The following IL1RAPL2 variants were observed in gnomAD, a reference collection of about 807,000 sequenced individuals.
IL1RAPL2 encodes interleukin 1 receptor accessory protein like 2.
In IL1RAPL2, 3 loss-of-function variants were observed where a neutral mutation model predicts 44.1. The observed-to-expected ratio is 0.07, with a 90% CI of 0.03 to 0.18. IL1RAPL2 has a LOEUF of 0.18. Among genes scored for constraint, IL1RAPL2 ranks in the 10% least tolerant of loss-of-function variants. The pLI is 1.00. For missense variants in IL1RAPL2, 391 were observed against 496.4 expected (o/e 0.79, Z 2.02); for synonymous variants, 181 against 178.8 (o/e 1.01, Z -0.10).
chrX:105,080,111 G>A (rs138662187), intron 2 of IL1RAPL2, among the ~76,000 whole-genome samples: 1,881 of 111,792 alleles, frequency 0.017, 42 homozygotes, highest in African/African-American at 0.058. Flanking sequence ...TGTAGATTCC[G>A]GATATTAGCC....
intron 6 of IL1RAPL2, among the ~76,000 whole-genome samples, chrX:105,685,739 A>T (rs904466910): frequency 3.6e-5 from 4 of 111,232 alleles, no homozygotes; most frequent in African/African-American, 1.3e-4. Flanking sequence ...CAACCCCAAG[A>T]CACATAATTG....
intron 5 of IL1RAPL2, among the ~76,000 whole-genome samples, chrX:105,482,304 T>A (rs1041955482): frequency 8.0e-5 from 9 of 112,008 alleles, no homozygotes; most frequent in African/African-American, 2.9e-4. Context: ...TCATTTTTTT[T>A]AAAGTAGATC....
chrX:105,549,876 C>T (rs1413013114), intron 6 of IL1RAPL2, among the ~76,000 whole-genome samples: 4 of 111,750 alleles, frequency 3.6e-5, no homozygotes, highest in Non-Finnish European at 5.6e-5. Flanking sequence ...GCAGTCATTC[C>T]GGCCAACTTC....
intron 2 of IL1RAPL2, among the ~76,000 whole-genome samples, chrX:105,035,178 C>G (rs2031605121): frequency 9.0e-6 from 1 of 111,720 alleles, no homozygotes; most frequent in Admixed American, 9.5e-5. Context: ...ACTCCCTGAC[C>G]CCTTGCACTT....
intron 6 of IL1RAPL2, among the ~76,000 whole-genome samples, chrX:105,521,035 C>T (rs1344820371): frequency 2.0e-5 from 2 of 99,248 alleles, no homozygotes; most frequent in East Asian, 3.4e-4. Context: ...CCTTGGTTCA[C>T]GCCATTCTCC....
At position 104,946,479 on chromosome X, in the gene IL1RAPL2, T is replaced by A. The variant is rs1274066350; in HGVS notation, c.83-248996T>A. ...GTGCACAATGTGCAGGTTAGTTACA[T>A]ATGTATACATATGCCATGCTGGTGT... is the stretch of plus-strand genomic sequence containing the variant. On this transcript the variant is annotated intron_variant, in intron 2 of 10. Transcript: ENST00000372582. 3.0e-3 allele frequency among the ~76,000 whole-genome samples: 291 copies of A among 96,625 alleles called. 1 individual carries two copies. The highest frequency in any genetic ancestry group is 0.01 in the African/African-American group (269 of 26,393). 83.9% of individuals were successfully genotyped at this position (96,625 alleles called of 115,157 possible). A position where few individuals can be genotyped will look rare whatever the true frequency, so the allele number is the denominator to read the frequency against.
chrX:105,738,847 C>T (rs1189518214), intron 7 of IL1RAPL2, among the ~76,000 whole-genome samples: 2 of 110,439 alleles, frequency 1.8e-5, no homozygotes, highest in East Asian at 2.9e-4. Context: ...TTAAAAAAAG[C>T]AAGGCTAGGA....
intron 1 of IL1RAPL2, among the ~76,000 whole-genome samples, chrX:104,601,886 G>A (rs921781393): frequency 8.9e-6 from 1 of 111,796 alleles, no homozygotes; most frequent in African/African-American, 3.2e-5. Context: ...ATACATTATT[G>A]GGTAGATCCC....
intron 1 of IL1RAPL2, among the ~76,000 whole-genome samples, chrX:104,608,226 CAG>C (rs941775523): frequency 7.3e-5 from 8 of 108,960 alleles, no homozygotes; most frequent in African/African-American, 2.7e-4. Flanking sequence ...CTGGGCCAGT[CAG>C]GGGGTGGGGG....
chrX:104,946,710 C>G (rs1209523974), intron 2 of IL1RAPL2, among the ~76,000 whole-genome samples: 3 of 101,532 alleles, frequency 3.0e-5, no homozygotes, highest in African/African-American at 1.1e-4. Flanking sequence ...ATGATGATTT[C>G]CAATTTCATC....
At chrX:105,298,584 A>C (rs1050953049) in intron 5 of IL1RAPL2, among the ~76,000 whole-genome samples, 1 of 110,885 alleles carries the variant, frequency 9.0e-6, no homozygotes, top group Non-Finnish European at 1.9e-5. Context: ...TAAATGAAGA[A>C]ATAAAAGATA....
intron 2 of IL1RAPL2, among the ~76,000 whole-genome samples, chrX:104,712,892 G>A (rs1931485996): frequency 1.8e-5 from 2 of 110,888 alleles, no homozygotes; most frequent in South Asian, 7.5e-4. Context: ...GAAACAGGAG[G>A]CATTTTGGTG....
Position 105,583,581 on chromosome X carries a change from C to T in IL1RAPL2, c.772+99194C>T, listed in dbSNP as rs2037105282. Among the ~76,000 whole-genome samples the T allele has an allele frequency of 2.7e-5, 3 of 112,023 alleles. No homozygotes were observed. In the Admixed American group the frequency reaches 2.8e-4, roughly 11 times the overall value. ...ATAAAGTTGTTTATAACATCCCATC[C>T]TTTTAGTGCCTGTTGACTATGTAGT... On this transcript the variant is annotated intron_variant, in intron 6 of 10. Transcript: ENST00000372582.
chrX:105,669,954 G>A (rs769883741), intron 6 of IL1RAPL2, among the ~76,000 whole-genome samples: 32 of 103,465 alleles, frequency 3.1e-4, no homozygotes, highest in African/African-American at 9.5e-4. Flanking sequence ...CTTAGTTCAC[G>A]GTTCATTATT....
chrX:105,021,965 CAACCAT>C (rs2031288101), intron 2 of IL1RAPL2, among the ~76,000 whole-genome samples: 1 of 110,976 alleles, frequency 9.0e-6, no homozygotes, highest in Non-Finnish European at 1.9e-5. Flanking sequence ...GCATTCACAT[CAACCAT>C]ATAAATTGTA....
intron 5 of IL1RAPL2, among the ~76,000 whole-genome samples, chrX:105,297,392 G>A (rs140746727): frequency 1.9e-3 from 215 of 111,800 alleles, no homozygotes; most frequent in Middle Eastern, 0.018. Context: ...GTTTTAGTCC[G>A]TTTTCACACT....
chrX:105,404,921 A>G (rs1019006334), intron 5 of IL1RAPL2, among the ~76,000 whole-genome samples: 1 of 112,067 alleles, frequency 8.9e-6, no homozygotes, highest in Non-Finnish European at 1.9e-5. Flanking sequence ...ACCCTAACCA[A>G]TAAATATTCT....
chrX:105,678,744 C>A (rs1770192138), intron 6 of IL1RAPL2, among the ~76,000 whole-genome samples: 1 of 111,184 alleles, frequency 9.0e-6, no homozygotes, highest in Non-Finnish European at 1.9e-5. Context: ...GAAATTGCAA[C>A]CCCCACCCAA....
chrX:104,677,570 C>T (rs925603479), intron 2 of IL1RAPL2, among the ~76,000 whole-genome samples: 2 of 112,464 alleles, frequency 1.8e-5, no homozygotes, highest in Admixed American at 9.3e-5. Context: ...GCCCTGCCCC[C>T]AGAGGTGGAG....
Sources: gnomAD v4.1 joint callset for allele counts (sites outside exome capture counted in the v4.1 genomes callset) on GRCh38, gnomAD v4.1.1 for gene constraint, MANE v1.5 for transcripts, NCBI Gene and HGNC (gene_info 2026-07-23, HGNC 2026-07-21) for gene names.